Variants in GPHN observed in about 807,000 individuals in gnomAD.
The protein encoded by GPHN is gephyrin.
Under a neutral mutation model 95.5 loss-of-function variants are expected in GPHN, and 17 were observed. The observed-to-expected ratio is 0.18, with a 90% CI of 0.12 to 0.27. GPHN has a LOEUF of 0.27. Among genes scored for constraint, GPHN ranks in the 10% least tolerant of loss-of-function variants. The pLI, the probability that GPHN is intolerant of heterozygous loss-of-function variation, is 1.00. For synonymous variants in GPHN, 320 were observed against 322.5 expected, an observed-to-expected ratio of 0.99 and a Z score of 0.08; for missense variants, 660 against 978.1, an observed-to-expected ratio of 0.67 and a Z score of 4.34.
chr14:67,297,836 C>T, the GPHN span, among the ~76,000 whole-genome samples: 1 of 152,158 alleles, frequency 6.6e-6, no homozygotes, highest in Non-Finnish European at 1.5e-5. Flanking sequence ...AGATATGAAG[C>T]TGAATAAGAT....
chr14:66,723,379 A>G lies in GPHN; in HGVS notation c.143+42194A>G, dbSNP rs1044519772. On this transcript the variant is annotated intron_variant, in intron 2 of 22. Coordinates refer to ENST00000478722, the MANE Select transcript of GPHN (RefSeq NM_020806.5). ...ACCTTTTGGTTATAACCTTTTATAAATATTATTTATGAAAGTTTATAAGTT... is the reference window on the plus strand; with the variant it reads ...ACCTTTTGGTTATAACCTTTTATAAGTATTATTTATGAAAGTTTATAAGTT... Among the ~76,000 whole-genome samples, 3 of 142,494 alleles carry G rather than the reference A, an allele frequency of 2.1e-5. No homozygotes were observed. The South Asian group carries it at 6.6e-4, about 31-fold the overall frequency. The allele number at this position is 142,494 out of a possible 152,430, so 93.5% of individuals were successfully genotyped here. A position where few individuals can be genotyped will look rare whatever the true frequency, so the allele number is the denominator to read the frequency against.
chr14:67,193,276 A>G, the GPHN span, among the ~76,000 whole-genome samples: 9 of 137,990 alleles, frequency 6.5e-5, no homozygotes, highest in African/African-American at 2.4e-4. Flanking sequence ...ATCTATCTAT[A>G]TATCTCTATA....
chr14:66,889,098 G>A (rs1396419140), intron 5 of GPHN, among the ~76,000 whole-genome samples: 4 of 151,762 alleles, frequency 2.6e-5, no homozygotes, highest in Admixed American at 6.6e-5. Flanking sequence ...AATAGATGAA[G>A]CAAAAATGGA....
chr14:67,439,593 C>CTTTTTTTCTTTCTTTCT, the GPHN span, among the ~76,000 whole-genome samples: 5 of 109,842 alleles, frequency 4.6e-5, no homozygotes, highest in African/African-American at 1.7e-4. Flanking sequence ...TTCTTTCTTT[C>CTTTTTTTCTTTCTTTCT]TTCTTTCTTT....
At chr14:66,919,141 C>T (rs1356519666) in intron 6 of GPHN, among the ~76,000 whole-genome samples, 1 of 152,148 alleles carries the variant, frequency 6.6e-6, no homozygotes, top group East Asian at 1.9e-4. Flanking sequence ...GCTTGCTGTA[C>T]AATGTTACCT....
At chr14:67,434,581 G>A in the GPHN span, among the ~76,000 whole-genome samples, 23 of 152,130 alleles carry the variant, frequency 1.5e-4, no homozygotes, top group African/African-American at 4.6e-4. Flanking sequence ...ACTAAAGTTC[G>A]AGAGCCACTA....
At chr14:66,889,182 T>C (rs528642519) in intron 5 of GPHN, among the ~76,000 whole-genome samples, 1 of 152,124 alleles carries the variant, frequency 6.6e-6, no homozygotes, top group South Asian at 2.1e-4. Flanking sequence ...CAATAATGGA[T>C]AGAACAGCCA....
At chr14:67,248,702 T>G in the GPHN span, among the ~76,000 whole-genome samples, 1 of 152,340 alleles carries the variant, frequency 6.6e-6, no homozygotes, top group East Asian at 1.9e-4. Context: ...AGTACTCAGT[T>G]CTGTTGTTAG....
chr14:66,680,794 A>C (rs367927315), intron 1 of GPHN, among the ~76,000 whole-genome samples: 2 of 152,188 alleles, frequency 1.3e-5, no homozygotes, highest in South Asian at 4.1e-4. Context: ...GTGACTTGCT[A>C]CTGTGTACTA....
At chr14:67,543,039 C>G in the GPHN span, among the ~76,000 whole-genome samples, 675 of 152,304 alleles carry the variant, frequency 4.4e-3, 18 homozygotes, top group East Asian at 0.062. Flanking sequence ...TGCTAACTTT[C>G]AGAGGCATTC....
chr14:67,078,096 G>C (rs1252479953), intron 11 of GPHN, among the ~76,000 whole-genome samples: 1 of 152,100 alleles, frequency 6.6e-6, no homozygotes. Context: ...ACATTGTCTA[G>C]TCAGACCATG....
intron 1 of GPHN, among the ~76,000 whole-genome samples, chr14:66,644,883 T>C (rs2064645832): frequency 6.6e-6 from 1 of 152,164 alleles, no homozygotes; most frequent in South Asian, 2.1e-4. Context: ...GTAATAATTT[T>C]TAGGTAAATT....
chr14:67,050,639 C>G (rs1272740844), intron 10 of GPHN, among the ~76,000 whole-genome samples: 1 of 151,952 alleles, frequency 6.6e-6, no homozygotes, highest in African/African-American at 2.4e-5. Context: ...CAGTAGATAA[C>G]CATACTGCAA....
At chr14:67,481,089 G>A in the GPHN span, among the ~76,000 whole-genome samples, 71,940 of 151,898 alleles carry the variant, frequency 0.47, 20,429 homozygotes, top group Non-Finnish European at 0.63. Flanking sequence ...CCAGGAGTTC[G>A]AGACCAGCCT....
the GPHN span, among the ~76,000 whole-genome samples, chr14:67,713,164 A>G: frequency 6.6e-6 from 1 of 152,068 alleles, no homozygotes. Context: ...TTTAGCCAAG[A>G]CAAAACCTCA....
chr14:66,803,111 A>G (rs1252829517), intron 3 of GPHN, among the ~76,000 whole-genome samples: 1 of 152,164 alleles, frequency 6.6e-6, no homozygotes, highest in Non-Finnish European at 1.5e-5. Flanking sequence ...TGAAGCTTTC[A>G]GGAACTCAAG....
the GPHN span, chr14:67,571,815 A>T: frequency 6.2e-7 from 1 of 1,613,902 alleles, no homozygotes; most frequent in East Asian, 2.2e-5. Flanking sequence ...CGATGACTGC[A>T]GCTCTCAGGC....
At chr14:66,910,098 G>A (rs138128749) in intron 5 of GPHN, among the ~76,000 whole-genome samples, 116 of 152,018 alleles carry the variant, frequency 7.6e-4, no homozygotes, top group African/African-American at 2.6e-3. Flanking sequence ...TAGGTTCTAT[G>A]CAGAATCGAC....
At chr14:67,433,197 G>A in the GPHN span, among the ~76,000 whole-genome samples, 1 of 152,208 alleles carries the variant, frequency 6.6e-6, no homozygotes, top group Non-Finnish European at 1.5e-5. Context: ...TATCCTCAGA[G>A]CTGATGGATG....
Sources: gnomAD v4.1 joint callset for allele counts (sites outside exome capture counted in the v4.1 genomes callset) on GRCh38, gnomAD v4.1.1 for gene constraint, MANE v1.5 for transcripts, NCBI Gene and HGNC (gene_info 2026-07-23, HGNC 2026-07-21) for gene names.